Variants in NEK7 observed in about 807,000 individuals in gnomAD.
The protein encoded by NEK7 is serine/threonine-protein kinase Nek7.
A neutral mutation model predicts 44.6 loss-of-function variants in NEK7; 18 were observed. The ratio of observed to expected loss-of-function variants is 0.40; its 90% CI spans 0.28 to 0.60. The LOEUF is 0.60. Among genes scored for constraint, NEK7 ranks in the 20% least tolerant of loss-of-function variants. NEK7 has a pLI of 0.38. For synonymous variants in NEK7, 130 were observed against 121.1 expected (o/e 1.07, Z -0.48); for missense variants, 256 against 366.5 (o/e 0.70, Z 2.46).
chr1:198,263,642 G>A (rs1385602146), intron 4 of NEK7, among the ~76,000 whole-genome samples: 1 of 151,874 alleles, frequency 6.6e-6, no homozygotes, highest in East Asian at 1.9e-4. Flanking sequence ...TGATATAAAA[G>A]CAATAGTTAG....
intron 2 of NEK7, among the ~76,000 whole-genome samples, chr1:198,246,304 T>C (rs1666833433): frequency 6.6e-6 from 1 of 152,204 alleles, no homozygotes; most frequent in Non-Finnish European, 1.5e-5. Context: ...TCTCCACATC[T>C]ACACTGGGTG....
rs1012716044 is a variant in NEK7, at chr1:198,157,098, T to G, written c.-207T>G. 5 of 151,500 alleles carry G rather than the reference T, an allele frequency of 3.3e-5. No individual in the cohort carries two copies. Among genetic ancestry groups the G allele is most frequent in the African/African-American group, 7.3e-5 (3 of 41,246 alleles). The allele number at this position is 151,500 out of a possible 1,614,324, so 9.4% of individuals were successfully genotyped here. A position where few individuals can be genotyped will look rare whatever the true frequency, so the allele number is the denominator to read the frequency against. On this transcript the variant is annotated 5_prime_UTR_variant, in exon 1 of 10. Coordinates refer to ENST00000367385, the MANE Select transcript of NEK7 (RefSeq NM_133494.3). The stretch of plus-strand genomic sequence containing the variant: ...CGGACGCGCCTCGCAGTGCGCAGGG[T>G]GGGTGCCCCGCGCCTGCAGCGTCCG...
At chr1:198,260,225 CATAA>C in intron 3 of NEK7, among the ~76,000 whole-genome samples, 2 of 152,148 alleles carry the variant, frequency 1.3e-5, no homozygotes, top group Middle Eastern at 6.8e-3. Context: ...TCCTTCCTTC[CATAA>C]ATAGTGTCAT....
rs186688132 is a variant in NEK7, at chr1:198,292,474, G to A, written c.590-471G>A. Reference sequence around the variant, plus strand: ...TGTTATATCATTTGTTAACAGCCACGCTGTGTTCTAAAGGATGTTTCTGTA... The same window carrying A: ...TGTTATATCATTTGTTAACAGCCACACTGTGTTCTAAAGGATGTTTCTGTA... On this transcript the variant is annotated intron_variant, in intron 7 of 9. Coordinates refer to ENST00000367385, the MANE Select transcript of NEK7 (RefSeq NM_133494.3). 5.6e-4 allele frequency among the ~76,000 whole-genome samples: 85 copies of A among 151,968 alleles called. 1 individual carries two copies. The East Asian group carries it at 6.4e-3, about 11-fold the overall frequency.
intron 1 of NEK7, among the ~76,000 whole-genome samples, chr1:198,182,737 T>C (rs1664805091): frequency 6.6e-6 from 1 of 152,184 alleles, no homozygotes; most frequent in African/African-American, 2.4e-5. Context: ...CAGTAAAATA[T>C]AGTACAACTG....
chr1:198,264,349 C>A, intron 5 of NEK7, 114 bp downstream of exon 5: 2 of 688,966 alleles, frequency 2.9e-6, no homozygotes, highest in Non-Finnish European at 4.9e-6. Flanking sequence ...CAATGCAAAG[C>A]TTATCTGATA....
At chr1:198,184,136 G>A (rs1664846452) in intron 1 of NEK7, among the ~76,000 whole-genome samples, 1 of 152,166 alleles carries the variant, frequency 6.6e-6, no homozygotes. Context: ...TATTACTGCT[G>A]TATAGTGTGA....
At chr1:198,185,586 T>C (rs1413860758) in intron 1 of NEK7, among the ~76,000 whole-genome samples, 2 of 152,124 alleles carry the variant, frequency 1.3e-5, no homozygotes, top group Non-Finnish European at 2.9e-5. Context: ...ACACCTTATT[T>C]TGACATATTG....
intron 2 of NEK7, among the ~76,000 whole-genome samples, chr1:198,249,710 C>T (rs1652850748): frequency 6.7e-6 from 1 of 148,618 alleles, no homozygotes; most frequent in Non-Finnish European, 1.5e-5. Flanking sequence ...TGTTCATGTC[C>T]TTCACCCACT....
At position 198,258,283 on chromosome 1, in the gene NEK7, A is replaced by T. The variant is rs534690616; in HGVS notation, c.199-4292A>T. On this transcript the variant is annotated intron_variant, in intron 3 of 9. Transcript: ENST00000367385. ...GTGAAACCCTGTCTCTACTAAAAAT[A>T]CAAAAATTAGCTGGGTGTGGTGGCA... 1.1e-4 allele frequency among the ~76,000 whole-genome samples: 16 copies of T among 152,286 alleles called. No individual in the cohort carries two copies. The East Asian group carries it at 2.9e-3, about 28-fold the overall frequency.
chr1:198,169,641 A>T (rs1277935838), intron 1 of NEK7, among the ~76,000 whole-genome samples: 1 of 137,510 alleles, frequency 7.3e-6, no homozygotes, highest in African/African-American at 2.8e-5. Flanking sequence ...TCTCCACTCT[A>T]TGCTTTTCTC....
At chr1:198,205,666 T>G (rs1665572205) in intron 1 of NEK7, among the ~76,000 whole-genome samples, 1 of 148,906 alleles carries the variant, frequency 6.7e-6, no homozygotes, top group Non-Finnish European at 1.5e-5. Context: ...GCACTCACAT[T>G]TTTTTTTTTT....
chr1:198,243,354 A>T (rs1387489805), intron 2 of NEK7, among the ~76,000 whole-genome samples: 1 of 152,156 alleles, frequency 6.6e-6, no homozygotes, highest in Non-Finnish European at 1.5e-5. Context: ...CTCCCCCAGT[A>T]ATATTTGTGG....
rs150747909 is a variant in NEK7 at position 198,176,926 on chromosome 1, G to A, written c.-29+19650G>A. On this transcript the variant is annotated intron_variant, in intron 1 of 9. Transcript: ENST00000367385. ...TTAGGTTTAGGATATTAGGCAGAAAGATGCAATATAATTGGAAATGAGATT... is the reference window on the plus strand; with the variant it reads ...TTAGGTTTAGGATATTAGGCAGAAAAATGCAATATAATTGGAAATGAGATT... Among the ~76,000 whole-genome samples the A allele has an allele frequency of 1.7e-3, 252 of 152,204 alleles. 1 individual carries two copies. Among genetic ancestry groups the A allele is most frequent in the African/African-American group, 5.7e-3 (235 of 41,552 alleles).
rs371830672 is a variant in NEK7 at position 198,262,712 on chromosome 1, C to T, written c.261+75C>T. 5.0e-5 allele frequency: 43 copies of T among 857,638 alleles called. 1 individual carries two copies. The highest frequency in any genetic ancestry group is 4.4e-4 in the East Asian group (17 of 38,914). 53.1% of individuals were successfully genotyped at this position (857,638 alleles called of 1,614,324 possible). A position where few individuals can be genotyped will look rare whatever the true frequency, so the allele number is the denominator to read the frequency against. ...GATTTACTAAAATATCACACTTAAA[C>T]ACAAAAAGGTTTTTAAGACTTATGC... On this transcript the variant is annotated intron_variant, in intron 4 of 9. Transcript: ENST00000367385.
In NEK7 at chr1:198,262,942, T is replaced by G. The variant is rs138710168; in HGVS notation, c.261+305T>G. Among the ~76,000 whole-genome samples, 314 of 151,990 alleles carry G rather than the reference T, an allele frequency of 2.1e-3. 5 individuals are homozygous for G. In the East Asian group the frequency reaches 0.025, roughly 12 times the overall value. On this transcript the variant is annotated intron_variant, in intron 4 of 9. Transcript: ENST00000367385. ...TTGACCACCCCAACAAGACATATTC[T>G]AAAGGTTAAGTAATATAAATGCAAA... is the stretch of plus-strand genomic sequence containing the variant.
At chr1:198,315,293 C>G (rs1655329201) in intron 9 of NEK7, among the ~76,000 whole-genome samples, 1 of 152,222 alleles carries the variant, frequency 6.6e-6, no homozygotes, top group Admixed American at 6.5e-5. Context: ...CCTGCTTCGG[C>G]TCGCGCATGG....
intron 1 of NEK7, among the ~76,000 whole-genome samples, chr1:198,227,882 A>G (rs1666274410): frequency 1.3e-5 from 2 of 151,972 alleles, no homozygotes; most frequent in South Asian, 2.1e-4. Context: ...ATTAGATCCC[A>G]TTTGTCAATT....
chr1:198,200,068 C>T (rs780866928), intron 1 of NEK7, among the ~76,000 whole-genome samples: 1 of 152,104 alleles, frequency 6.6e-6, no homozygotes, highest in African/African-American at 2.4e-5. Flanking sequence ...TTTGTGCATT[C>T]ATTCATTCTA....
Sources: allele counts gnomAD v4.1 joint callset (sites outside exome capture counted in the v4.1 genomes callset), GRCh38; gene constraint gnomAD v4.1.1; transcripts MANE v1.5; gene names NCBI Gene and HGNC (gene_info 2026-07-23, HGNC 2026-07-21).